Variants in CUBN observed in about 807,000 individuals in gnomAD.
CUBN encodes the protein cubilin, also known as 460 kDa receptor.
A neutral mutation model predicts 405.3 loss-of-function variants in CUBN; 282 were observed. That is an observed-to-expected ratio of 0.70 (90% CI 0.63 to 0.77). CUBN has a LOEUF of 0.77. Ranked by LOEUF, CUBN falls within the 30% of genes least tolerant of loss-of-function variation. The pLI, the probability that CUBN is intolerant of heterozygous loss-of-function variation, is 0.00. For missense variants in CUBN, 4,514 were observed against 4,475.2 expected (o/e 1.01, Z -0.25); for synonymous variants, 1,684 against 1,617.0 (o/e 1.04, Z -0.99).
At chr10:16,966,067 T>G (rs1410653234) in intron 31 of CUBN, 1 of 456,410 alleles carries the variant, frequency 2.2e-6, no homozygotes, top group East Asian at 7.1e-5. Flanking sequence ...ATTCACGGTC[T>G]CCAAGAAAGA....
rs1842411498 is a variant in CUBN at position 16,933,233 on chromosome 10, G to A, written c.5978C>T (p.Ser1993Phe). Residue 1993 changes from serine (S) to phenylalanine (F), a missense_variant, in exon 40 of 67, where the codon TCC becomes TTC. By Grantham distance (155) the Ser-to-Phe change is radical. Around this residue, in one of 5 missense-constraint regions of CUBN, gnomAD observed 1,613 missense variants for 1,542.8 expected, o/e 1.05. Transcript: ENST00000377833. The part of the protein sequence containing the change: ...RTGDAPVFLF[S>F]PGWPDSYSNR... Reference sequence around the variant, plus strand: ...ACTGTAACTGTCAGGCCAGCCCGGGGAGAAGAGAAACACGGGTGCATCTCC... The same window carrying A: ...ACTGTAACTGTCAGGCCAGCCCGGGAAGAAGAGAAACACGGGTGCATCTCC... The A allele has an allele frequency of 1.2e-6, 2 of 1,613,924 alleles. No individual in the cohort carries two copies. Among genetic ancestry groups the A allele is most frequent in the Non-Finnish European group, 1.7e-6 (2 of 1,180,002 alleles).
chr10:16,961,928 G>C (rs1002546175), intron 31 of CUBN, among the ~76,000 whole-genome samples: 1 of 151,928 alleles, frequency 6.6e-6, no homozygotes, highest in African/African-American at 2.4e-5. Flanking sequence ...TAGCCAGGAT[G>C]GTCTCCATCT....
Position 16,945,095 on chromosome 10 carries a change from T to C in CUBN, c.5342+2140A>G, listed in dbSNP as rs563602733. ...TTAATGTTGGCTTATGAGTAATTTG[T>C]CAAGACCTGAAATCTTATCTGTCTT... is the stretch of plus-strand genomic sequence containing the variant. On this transcript the variant is annotated intron_variant, in intron 36 of 66. Transcript: ENST00000377833. Among the ~76,000 whole-genome samples, 3 of 152,296 alleles carry C rather than the reference T, an allele frequency of 2.0e-5. No individual in the cohort carries two copies. The East Asian group carries it at 5.8e-4, about 29-fold the overall frequency.
Position 17,064,131 on chromosome 10 carries a change from G to A in CUBN, c.3139+1377C>T, listed in dbSNP as rs45574440. ...TTGTAACTGCCAGGGATTCCATTTC[G>A]CATGTGCTTGCACTTGAGCTGGATA... On this transcript the variant is annotated intron_variant, in intron 22 of 66. Coordinates refer to ENST00000377833, the MANE Select transcript of CUBN (RefSeq NM_001081.4). Among the ~76,000 whole-genome samples, 1,107 of 152,274 alleles carry A rather than the reference G, an allele frequency of 7.3e-3. 10 individuals carry two copies. Among genetic ancestry groups the A allele is most frequent in the Middle Eastern group, 0.037 (11 of 294 alleles).
chr10:16,894,648 ATTC>A (rs1326217518), intron 54 of CUBN, among the ~76,000 whole-genome samples: 1 of 152,104 alleles, frequency 6.6e-6, no homozygotes, highest in African/African-American at 2.4e-5. Context: ...CTCCCATTTT[ATTC>A]TTCTTTTCCA....
intron 64 of CUBN, 128 bp from the exon 65 acceptor site, chr10:16,831,545 A>G (rs1055245983): frequency 1.2e-4 from 102 of 863,526 alleles, no homozygotes; most frequent in Admixed American, 3.6e-4. Context: ...TTAAGAATGA[A>G]GCGTTTTCTG....
intron 28 of CUBN, among the ~76,000 whole-genome samples, chr10:16,995,884 G>A (rs1362571266): frequency 2.0e-5 from 3 of 151,938 alleles, no homozygotes; most frequent in African/African-American, 4.8e-5. Context: ...TCATGACAAC[G>A]GGAGGCAGGT....
intron 17 of CUBN, among the ~76,000 whole-genome samples, chr10:17,076,767 T>G (rs1431230487): frequency 6.6e-6 from 1 of 152,110 alleles, no homozygotes; most frequent in African/African-American, 2.4e-5. Context: ...CATCTTTTAC[T>G]TTTCCCCCAG....
chr10:17,113,949 T>C, intron 8 of CUBN, 78 bp downstream of exon 8: 1 of 1,401,076 alleles, frequency 7.1e-7, no homozygotes, highest in Non-Finnish European at 9.9e-7. Context: ...TTCTTACTCA[T>C]CAATAGTGAA....
chr10:16,855,957 A>G (rs1426258316), intron 59 of CUBN, among the ~76,000 whole-genome samples: 2 of 152,194 alleles, frequency 1.3e-5, no homozygotes, highest in East Asian at 1.9e-4. Context: ...ATGTAAGTGT[A>G]TATGTCTTTG....
intron 43 of CUBN, among the ~76,000 whole-genome samples, chr10:16,922,876 G>A (rs1176109088): frequency 1.3e-5 from 2 of 149,914 alleles, no homozygotes; most frequent in Admixed American, 6.7e-5. Context: ...TTGAGACAGG[G>A]TCTCGCTTTG....
intron 31 of CUBN, 49 bp from the exon 32 acceptor site, chr10:16,954,597 A>G (rs1843001712): frequency 1.2e-6 from 2 of 1,601,112 alleles, no homozygotes; most frequent in Admixed American, 3.4e-5. Flanking sequence ...CACATCTAGA[A>G]GGCCTGTATT....
At chr10:17,116,674 T>C (rs1446956388) in intron 6 of CUBN, among the ~76,000 whole-genome samples, 1 of 152,220 alleles carries the variant, frequency 6.6e-6, no homozygotes, top group African/African-American at 2.4e-5. Context: ...TGAACGACAT[T>C]GTGGGAAATT....
At chr10:16,952,193 G>T in intron 33 of CUBN, 83 bp downstream of exon 33, 1 of 931,732 alleles carries the variant, frequency 1.1e-6, no homozygotes, top group Non-Finnish European at 1.8e-6. Flanking sequence ...TTAGCACTGA[G>T]ATAAGAAGGT....
intron 15 of CUBN, among the ~76,000 whole-genome samples, chr10:17,087,466 CTTT>C (rs879308596): frequency 3.8e-5 from 3 of 79,790 alleles, no homozygotes; most frequent in East Asian, 7.6e-4. Flanking sequence ...TATTATTTTT[CTTT>C]TTCTTTTTTT....
Position 17,068,086 on chromosome 10 carries a change from C to A in CUBN, c.2986G>T (p.Asp996Tyr), listed in dbSNP as rs756276102. The A allele has an allele frequency of 6.2e-7, 1 of 1,612,540 alleles. No individual in the cohort carries two copies. Among genetic ancestry groups the A allele is most frequent in the South Asian group, 1.1e-5 (1 of 91,030 alleles). ...TACCTTCCAAGGGATGTCTCAGAGT[C>A]GGTGTCATAAACTTCCAAGTAGTCG... ...TNDYLEVYDT[D>Y]SETSLGRYCG... Residue 996 changes from aspartate (D) to tyrosine (Y), a missense_variant, in exon 21 of 67, where the codon GAC becomes TAC. Physicochemically the swap from Asp to Tyr is radical, Grantham distance 160. Around this residue, in one of 5 missense-constraint regions of CUBN, gnomAD observed 1,448 missense variants for 1,388.0 expected, o/e 1.04. Transcript: ENST00000377833.
intron 22 of CUBN, among the ~76,000 whole-genome samples, chr10:17,063,467 C>T (rs936135892): frequency 1.3e-5 from 2 of 152,158 alleles, no homozygotes; most frequent in Admixed American, 6.5e-5. Context: ...AAAACATCGT[C>T]TCCCCTTCAC....
At position 17,047,586 on chromosome 10, in the gene CUBN, T is replaced by C; in HGVS notation, c.3157A>G (p.Thr1053Ala). The C allele has an allele frequency of 2.5e-6, 4 of 1,614,048 alleles. 1 individual carries two copies. The South Asian group carries it at 4.4e-5, about 18-fold the overall frequency. The change falls in exon 23 of 67, where the codon ACA (threonine) becomes GCA (alanine). Residue 1053 changes from threonine to alanine, a missense_variant. Physicochemically the swap from Thr to Ala is moderately conservative, Grantham distance 58. This residue lies in a region of CUBN where 1,448 missense variants were observed against 1,388.0 expected (regional missense o/e 1.04). Transcript: ENST00000377833. ...GAAGTGAATGTCCCCAAATCATCTG[T>C]GTAGTCTTGCAAACATGCTGTGAAC... ...SAATACLQDYTDDLGTFTSPN... is the reference protein window; with the variant it reads ...SAATACLQDYADDLGTFTSPN...
At chr10:16,952,698 A>G (rs1842951962) in intron 32 of CUBN, among the ~76,000 whole-genome samples, 2 of 152,254 alleles carry the variant, frequency 1.3e-5, no homozygotes, top group African/African-American at 4.8e-5. Flanking sequence ...CTGCCCACTC[A>G]TAAATCATAG....
Sources: allele counts gnomAD v4.1 joint callset (sites outside exome capture counted in the v4.1 genomes callset), GRCh38; gene constraint gnomAD v4.1.1; regional missense constraint gnomAD v4.1.1; transcripts MANE v1.5; gene names NCBI Gene and HGNC (gene_info 2026-07-23, HGNC 2026-07-21).